KIF26B: variants seen among roughly 807,000 people sequenced by gnomAD.
The protein encoded by KIF26B is kinesin-like protein KIF26B.
In KIF26B, 63 loss-of-function variants were observed where a neutral mutation model predicts 151.2. That is an observed-to-expected ratio of 0.42 (90% CI 0.34 to 0.51). The LOEUF (loss-of-function observed/expected upper bound fraction) is 0.51, where lower values mean the gene tolerates loss of function less well. Among genes scored for constraint, KIF26B ranks in the 20% least tolerant of loss-of-function variants. The probability of loss-of-function intolerance (pLI) is 0.07; values close to 1 mark genes in which losing one functional copy is unlikely to be tolerated. For missense variants in KIF26B, 2,813 were observed against 2,913.6 expected (o/e 0.97, Z 0.79); for synonymous variants, 1,357 against 1,262.1 (o/e 1.08, Z -1.59).
chr1:245,309,197 A>C (rs1242738772), intron 2 of KIF26B, among the ~76,000 whole-genome samples: 1 of 152,184 alleles, frequency 6.6e-6, no homozygotes, highest in Admixed American at 6.5e-5. Flanking sequence ...TATTAGTGCC[A>C]ATAATGCTGT....
chr1:245,454,127 T>C (rs534088579), intron 4 of KIF26B, among the ~76,000 whole-genome samples: 123 of 152,256 alleles, frequency 8.1e-4, no homozygotes, highest in African/African-American at 2.7e-3. Context: ...AATGAGATCC[T>C]AGGGCTCCAT....
chr1:245,500,471 T>A (rs1248550675), intron 4 of KIF26B, among the ~76,000 whole-genome samples: 1 of 152,236 alleles, frequency 6.6e-6, no homozygotes, highest in Non-Finnish European at 1.5e-5. Context: ...CATAACTCTA[T>A]ATAACCCAAA....
intron 2 of KIF26B, among the ~76,000 whole-genome samples, chr1:245,215,400 C>T (rs1669624955): frequency 6.6e-6 from 1 of 152,216 alleles, no homozygotes; most frequent in South Asian, 2.1e-4. Context: ...GACAGAGCTG[C>T]CTGATGCGTG....
At chr1:245,172,136 A>C (rs1668721880) in intron 2 of KIF26B, among the ~76,000 whole-genome samples, 1 of 152,074 alleles carries the variant, frequency 6.6e-6, no homozygotes. Flanking sequence ...TTCACCGTAC[A>C]TTCGTGTGTC....
At chr1:245,310,789 G>A (rs1475847541) in intron 2 of KIF26B, among the ~76,000 whole-genome samples, 3 of 152,182 alleles carry the variant, frequency 2.0e-5, no homozygotes, top group Non-Finnish European at 2.9e-5. Flanking sequence ...CTGCAGAAGC[G>A]GCTGTGATGT....
chr1:245,429,052 G>T (rs2103040659), intron 4 of KIF26B, among the ~76,000 whole-genome samples: 1 of 152,214 alleles, frequency 6.6e-6, no homozygotes, highest in South Asian at 2.1e-4. Context: ...AGAAGCCCAG[G>T]CTTGAATTCT....
intron 2 of KIF26B, among the ~76,000 whole-genome samples, chr1:245,362,469 C>T (rs189623880): frequency 1.2e-3 from 182 of 149,724 alleles, no homozygotes; most frequent in African/African-American, 4.0e-3. Flanking sequence ...ACCAGGGAGG[C>T]GGAGGTTGCA....
At chr1:245,361,253 G>T (rs1672811617) in intron 2 of KIF26B, among the ~76,000 whole-genome samples, 1 of 152,190 alleles carries the variant, frequency 6.6e-6, no homozygotes, top group Non-Finnish European at 1.5e-5. Flanking sequence ...TCAAACGGAA[G>T]TCATTCATGG....
chr1:245,385,491 A>G (rs1005659198), intron 3 of KIF26B, among the ~76,000 whole-genome samples: 3 of 152,230 alleles, frequency 2.0e-5, no homozygotes, highest in Non-Finnish European at 4.4e-5. Flanking sequence ...TGTCTGGAGT[A>G]CTTTTACATT....
At chr1:245,361,224 G>A (rs1409024160) in intron 2 of KIF26B, among the ~76,000 whole-genome samples, 2 of 152,090 alleles carry the variant, frequency 1.3e-5, no homozygotes, top group African/African-American at 2.4e-5. Flanking sequence ...CAGCTGCCTC[G>A]CTTGCAGAAC....
chr1:245,182,788 A>G (rs1208924665), intron 2 of KIF26B, among the ~76,000 whole-genome samples: 1 of 152,092 alleles, frequency 6.6e-6, no homozygotes, highest in Non-Finnish European at 1.5e-5. Context: ...GGCACGTGCC[A>G]CCATGCCTGG....
intron 2 of KIF26B, among the ~76,000 whole-genome samples, chr1:245,219,359 T>C (rs1322059285): frequency 6.6e-6 from 1 of 152,024 alleles, no homozygotes; most frequent in Non-Finnish European, 1.5e-5. Context: ...GACCTTGTGA[T>C]CTGCCTGCCC....
intron 4 of KIF26B, among the ~76,000 whole-genome samples, chr1:245,515,579 AT>A (rs753215357): frequency 3.0e-4 from 45 of 152,362 alleles, no homozygotes; most frequent in Middle Eastern, 3.4e-3. Flanking sequence ...TTAAGTTAGT[AT>A]GAGGACAAAG....
chr1:245,181,483 G>T (rs1054460151), intron 2 of KIF26B, among the ~76,000 whole-genome samples: 26 of 149,716 alleles, frequency 1.7e-4, no homozygotes, highest in African/African-American at 6.2e-4. Context: ...ATTAGCTCAG[G>T]AGAATTCAGG....
At position 245,241,062 on chromosome 1, in the gene KIF26B, C is replaced by G. The variant is rs1670203856; in HGVS notation, c.465+84379C>G. Among the ~76,000 whole-genome samples the G allele has an allele frequency of 6.6e-6, 1 of 152,196 alleles. No homozygotes were observed. ...TGGGGATTGGGAAACAGAGTATTGC[C>G]AAGCCTTATTAAGCAGCTGTTTATT... On this transcript the variant is annotated intron_variant, in intron 2 of 14. Transcript: ENST00000407071. This position sits in a 1 kb window ranked among gnomAD's most constrained non-coding sequence, Gnocchi z 5.0.
At chr1:245,292,421 G>A (rs935382055) in intron 2 of KIF26B, among the ~76,000 whole-genome samples, 3 of 152,126 alleles carry the variant, frequency 2.0e-5, no homozygotes, top group African/African-American at 4.8e-5. Context: ...GCTCAGTGTC[G>A]CCGTGTAAGT....
At chr1:245,159,874 A>G (rs567934010) in intron 2 of KIF26B, among the ~76,000 whole-genome samples, 3 of 152,174 alleles carry the variant, frequency 2.0e-5, no homozygotes, top group Non-Finnish European at 4.4e-5. Context: ...ATAGGGCTTC[A>G]TGGTAGAAAA....
chr1:245,508,278 T>C lies in KIF26B; in HGVS notation c.1167-32489T>C, dbSNP rs149522276. ...GTTGTTGAGACGGAGTCTCGCTCTG[T>C]CGCCCAGGCTGGAGTGCAGTGGCGC... On this transcript the variant is annotated intron_variant, in intron 4 of 14. Transcript: ENST00000407071. Among the ~76,000 whole-genome samples, 1,413 of 152,308 alleles carry C rather than the reference T, an allele frequency of 9.3e-3. 26 individuals carry two copies. The highest frequency in any genetic ancestry group is 0.033 in the African/African-American group (1,363 of 41,562).
intron 2 of KIF26B, among the ~76,000 whole-genome samples, chr1:245,322,400 T>C (rs539722457): frequency 6.6e-6 from 1 of 152,196 alleles, no homozygotes; most frequent in East Asian, 1.9e-4. Context: ...AATAAATAAA[T>C]AAAAATCACA....
Sources: gnomAD v4.1 joint callset for allele counts (sites outside exome capture counted in the v4.1 genomes callset) on GRCh38, gnomAD v4.1.1 for gene constraint, Gnocchi (gnomAD v3.1) non-coding constraint, MANE v1.5 for transcripts, NCBI Gene and HGNC (gene_info 2026-07-23, HGNC 2026-07-21) for gene names.